CREB5: variants seen among roughly 807,000 people sequenced by gnomAD.
CREB5 encodes the protein cyclic AMP-responsive element-binding protein 5.
Under a neutral mutation model 57.1 loss-of-function variants are expected in CREB5, and 19 were observed. That is an observed-to-expected ratio of 0.33 (90% CI 0.23 to 0.49). CREB5 has a LOEUF of 0.49. Among genes scored for constraint, CREB5 ranks in the 20% least tolerant of loss-of-function variants. The pLI, the probability that CREB5 is intolerant of heterozygous loss-of-function variation, is 0.99. For missense variants in CREB5, 579 were observed against 671.6 expected (o/e 0.86, Z 1.52); for synonymous variants, 238 against 238.3 (o/e 1.00, Z 0.01).
intron 5 of CREB5, among the ~76,000 whole-genome samples, chr7:28,707,362 G>C (rs1025837267): frequency 6.6e-6 from 1 of 152,146 alleles, no homozygotes; most frequent in African/African-American, 2.4e-5. Flanking sequence ...CTGTGACATG[G>C]ATATTACAGC....
At chr7:28,496,113 C>T (rs1201944880) in intron 3 of CREB5, among the ~76,000 whole-genome samples, 1 of 152,150 alleles carries the variant, frequency 6.6e-6, no homozygotes, top group Non-Finnish European at 1.5e-5. Context: ...GTCTGCCAAG[C>T]CTGTTTCACA....
chr7:28,560,947 T>TGCGTGCGTGTGC (rs1562798055), intron 4 of CREB5, among the ~76,000 whole-genome samples: 1 of 21,186 alleles, frequency 4.7e-5, no homozygotes, highest in African/African-American at 1.7e-4. Flanking sequence ...CGTGCGTGTG[T>TGCGTGCGTGTGC]GTGCGTGTGT....
intron 5 of CREB5, among the ~76,000 whole-genome samples, chr7:28,591,703 T>G (rs926637828): frequency 1.3e-5 from 2 of 152,202 alleles, no homozygotes; most frequent in African/African-American, 4.8e-5. Flanking sequence ...CCCAAAGCTT[T>G]CTTTTGTATT....
At chr7:28,550,967 C>T (rs753202187) in intron 4 of CREB5, among the ~76,000 whole-genome samples, 4 of 152,138 alleles carry the variant, frequency 2.6e-5, no homozygotes, top group Non-Finnish European at 5.9e-5. Context: ...TTCATAGGAA[C>T]ACAACAAGCT....
At chr7:28,712,439 C>T (rs1165052925) in intron 5 of CREB5, among the ~76,000 whole-genome samples, 3 of 148,402 alleles carry the variant, frequency 2.0e-5, no homozygotes, top group East Asian at 2.0e-4. Context: ...ACCCAGGAGG[C>T]GGAGGTTGCA....
chr7:28,519,178 T>TTG (rs1396567952), intron 4 of CREB5, among the ~76,000 whole-genome samples: 1 of 152,210 alleles, frequency 6.6e-6, no homozygotes, highest in Non-Finnish European at 1.5e-5. Context: ...TTTTCCTGCA[T>TTG]GTCAGCAGTA....
chr7:28,743,097 C>T (rs1191859310), intron 7 of CREB5, among the ~76,000 whole-genome samples: 1 of 152,120 alleles, frequency 6.6e-6, no homozygotes, highest in Non-Finnish European at 1.5e-5. Context: ...TTTGCTTTTA[C>T]TAATCGAGTG....
intron 5 of CREB5, among the ~76,000 whole-genome samples, chr7:28,637,893 A>G (rs1410648257): frequency 6.6e-6 from 1 of 152,192 alleles, no homozygotes; most frequent in Non-Finnish European, 1.5e-5. Context: ...GCCAAGGAAT[A>G]TTAGACTAGG....
chr7:28,809,488 C>G, intron 9 of CREB5, 74 bp downstream of exon 9: 1 of 1,365,464 alleles, frequency 7.3e-7, no homozygotes, highest in South Asian at 1.4e-5. Flanking sequence ...CTGACAGGCA[C>G]TTGTTGACCT....
At chr7:28,463,341 T>A (rs1790429457) in intron 1 of CREB5, among the ~76,000 whole-genome samples, 1 of 152,204 alleles carries the variant, frequency 6.6e-6, no homozygotes, top group Non-Finnish European at 1.5e-5. Context: ...TGCTCTGTAA[T>A]GAATTTTGAA....
chr7:28,688,132 C>T (rs576007056), intron 5 of CREB5, among the ~76,000 whole-genome samples: 1 of 152,272 alleles, frequency 6.6e-6, no homozygotes, highest in South Asian at 2.1e-4. Flanking sequence ...GTATATCTTT[C>T]CCCACTTTGA....
intron 4 of CREB5, among the ~76,000 whole-genome samples, chr7:28,518,010 A>G (rs367872752): frequency 1.2e-4 from 19 of 152,146 alleles, no homozygotes; most frequent in African/African-American, 3.9e-4. Flanking sequence ...TTTTGAAGCT[A>G]GAAGAAGGCT....
intron 5 of CREB5, among the ~76,000 whole-genome samples, chr7:28,678,568 T>C (rs778428698): frequency 2.0e-3 from 306 of 152,284 alleles, no homozygotes; most frequent in Middle Eastern, 6.8e-3. Flanking sequence ...TAACTGCACC[T>C]TTCTCTCCAG....
chr7:28,796,430 C>A (rs953886054), intron 7 of CREB5, among the ~76,000 whole-genome samples: 3 of 152,128 alleles, frequency 2.0e-5, no homozygotes, highest in Non-Finnish European at 1.5e-5. Context: ...CTGATATTAA[C>A]TTCACCCCTA....
chr7:28,473,590 T>TGAGTC (rs1790922718), intron 1 of CREB5, among the ~76,000 whole-genome samples: 1 of 152,190 alleles, frequency 6.6e-6, no homozygotes, highest in African/African-American at 2.4e-5. Flanking sequence ...CTCGGGAGAC[T>TGAGTC]TTTGCTGGAA....
At chr7:28,394,106 A>AAAAAAAG (rs1787289337) in intron 1 of CREB5, among the ~76,000 whole-genome samples, 6 of 136,794 alleles carry the variant, frequency 4.4e-5, no homozygotes, top group African/African-American at 1.6e-4. Flanking sequence ...AAAAAAAAAA[A>AAAAAAAG]GTGGACTTGG....
intron 9 of CREB5, among the ~76,000 whole-genome samples, chr7:28,811,204 TTAAA>T (rs1405216224): frequency 1.3e-5 from 2 of 152,276 alleles, no homozygotes; most frequent in South Asian, 2.1e-4. Context: ...TAACCATTTG[TTAAA>T]TAAATGAATG....
At chr7:28,607,132 A>G (rs1797163474) in intron 5 of CREB5, among the ~76,000 whole-genome samples, 1 of 152,122 alleles carries the variant, frequency 6.6e-6, no homozygotes. Flanking sequence ...CAGACTCAGT[A>G]TCCTCTCTTC....
chr7:28,580,590 TGTGA>T lies in CREB5; in HGVS notation c.464+10055_464+10058del, dbSNP rs757674741. 3.0e-3 allele frequency among the ~76,000 whole-genome samples: 442 copies of T among 145,510 alleles called. 3 individuals are homozygous for T. Among genetic ancestry groups the T allele is most frequent in the African/African-American group, 5.9e-3 (239 of 40,200 alleles). On this transcript the variant is annotated intron_variant, in intron 5 of 10. Coordinates refer to ENST00000357727, the MANE Select transcript of CREB5 (RefSeq NM_182898.4). ...GTGTGTGTGTGTGTGTGTGTGTGTG[TGTGA>T]GAGAGAGATAGACAGATTTTTATAA...
Sources: allele counts gnomAD v4.1 joint callset (sites outside exome capture counted in the v4.1 genomes callset), GRCh38; gene constraint gnomAD v4.1.1; transcripts MANE v1.5; gene names NCBI Gene and HGNC (gene_info 2026-07-23, HGNC 2026-07-21).